The following ZNF710 variants were observed in gnomAD, a reference collection of about 807,000 sequenced individuals.
ZNF710 encodes zinc finger protein 710.
ZNF710 carries 13 observed loss-of-function variants against 50.6 expected under a neutral mutation model. The ratio of observed to expected loss-of-function variants is 0.26; its 90% CI spans 0.17 to 0.41. ZNF710 has a LOEUF of 0.41. Ranked by LOEUF, ZNF710 falls within the 10% of genes least tolerant of loss-of-function variation. The probability of loss-of-function intolerance (pLI) is 1.00; values close to 1 mark genes in which losing one functional copy is unlikely to be tolerated. For synonymous variants in ZNF710, 383 were observed against 397.0 expected, an observed-to-expected ratio of 0.96 and a Z score of 0.42; for missense variants, 721 against 936.6, an observed-to-expected ratio of 0.77 and a Z score of 3.01.
chr15:90,030,263 A>T (rs983621489), intron 1 of ZNF710, among the ~76,000 whole-genome samples: 1 of 129,368 alleles, frequency 7.7e-6, no homozygotes, highest in African/African-American at 2.9e-5. Flanking sequence ...TGGGAGGCAG[A>T]GGTTGCAGTG....
intron 1 of ZNF710, among the ~76,000 whole-genome samples, chr15:90,018,505 G>T (rs1046144560): frequency 1.3e-5 from 2 of 152,120 alleles, no homozygotes; most frequent in Non-Finnish European, 2.9e-5. Flanking sequence ...TTCATTTCTT[G>T]TCGCCACCTA....
intron 1 of ZNF710, among the ~76,000 whole-genome samples, chr15:90,066,675 A>G (rs1053832103): frequency 6.6e-6 from 1 of 152,050 alleles, no homozygotes; most frequent in Non-Finnish European, 1.5e-5. Flanking sequence ...GGATTTCACC[A>G]TGTTGGCCAG....
chr15:90,032,345 A>G (rs1194915586), intron 1 of ZNF710, among the ~76,000 whole-genome samples: 7 of 152,192 alleles, frequency 4.6e-5, no homozygotes, highest in African/African-American at 1.2e-4. Flanking sequence ...CCTCAGCTCC[A>G]TGGAACTCAG....
At chr15:90,056,503 C>G (rs1350777014) in intron 1 of ZNF710, among the ~76,000 whole-genome samples, 1 of 152,160 alleles carries the variant, frequency 6.6e-6, no homozygotes, top group Non-Finnish European at 1.5e-5. Context: ...TGGCATTGGA[C>G]AGGAGGGTCC....
chr15:90,051,770 A>G (rs1391229525), intron 1 of ZNF710, among the ~76,000 whole-genome samples: 1 of 152,116 alleles, frequency 6.6e-6, no homozygotes, highest in Non-Finnish European at 1.5e-5. Context: ...CTCTGTAAAT[A>G]CGTTTTGTTG....
In ZNF710 at chr15:90,008,422, G is replaced by GTATATATATATATACA. The variant is rs1567218312; in HGVS notation, c.-29+6809_-29+6810insATATATATATATACAT. Reference sequence around the variant, plus strand: ...GTATATAGTATACGTGTGTGTGTGTGTGTGTATATATATATATACATATAT... The same window carrying GTATATATATATATACA: ...GTATATAGTATACGTGTGTGTGTGTGTATATATATATATACATGTGTATATATATATATACATATAT... On this transcript the variant is annotated intron_variant, in intron 1 of 4. Transcript: ENST00000268154. Among the ~76,000 whole-genome samples the GTATATATATATATACA allele has an allele frequency of 5.9e-3, 748 of 126,770 alleles. 18 individuals carry two copies. The highest frequency in any genetic ancestry group is 0.026 in the African/African-American group (712 of 27,052). The allele number at this position is 126,770 out of a possible 152,430, so 83.2% of individuals were successfully genotyped here.
intron 2 of ZNF710, among the ~76,000 whole-genome samples, chr15:90,072,710 C>T (rs1206265423): frequency 6.6e-6 from 1 of 152,156 alleles, no homozygotes; most frequent in Admixed American, 6.6e-5. Context: ...GGAGCAGGTG[C>T]CCGGTAAATG....
At chr15:90,038,707 C>CTG (rs144152063) in intron 1 of ZNF710, among the ~76,000 whole-genome samples, 4,398 of 143,652 alleles carry the variant, frequency 0.031, 96 homozygotes, top group South Asian at 0.069. Context: ...CCTCCCTGCT[C>CTG]TGTGTGTGTG....
rs1491377494 is a variant in ZNF710 at position 90,034,428 on chromosome 15, C to CTCTG, written c.-28-32681_-28-32680insCTGT. 1.5e-5 allele frequency among the ~76,000 whole-genome samples: 2 copies of CTCTG among 136,198 alleles called. No individual in the cohort carries two copies. Among genetic ancestry groups the CTCTG allele is most frequent in the South Asian group, 2.6e-4 (1 of 3,844 alleles). 89.4% of individuals were successfully genotyped at this position (136,198 alleles called of 152,430 possible). A position where few individuals can be genotyped will look rare whatever the true frequency, so the allele number is the denominator to read the frequency against. ...AGCTGTCCTTCCTGTTTCCAAATTC[C>CTCTG]TGTGTGTGTGTGTGTGTGTGTGTGT... On this transcript the variant is annotated intron_variant, in intron 1 of 4. Transcript: ENST00000268154. This position sits in a 1 kb window ranked among gnomAD's most constrained non-coding sequence, Gnocchi z 4.0.
intron 2 of ZNF710, among the ~76,000 whole-genome samples, chr15:90,072,391 G>A (rs1384742921): frequency 6.6e-6 from 1 of 152,166 alleles, no homozygotes; most frequent in East Asian, 1.9e-4. Context: ...GCTGTATGTT[G>A]GATGAGAACT....
Position 90,068,477 on chromosome 15 carries a change from G to A in ZNF710, c.1340G>A (p.Arg447His), listed in dbSNP as rs561820871. Residue 447 changes from arginine to histidine, a missense_variant, in exon 2 of 5, where the codon CGC becomes CAC. Physicochemically the swap from Arg to His is conservative, Grantham distance 29. This residue lies in a region of ZNF710 where 326 missense variants were observed against 522.0 expected (regional missense o/e 0.62). Transcript: ENST00000268154. The surrounding 1 kb of genome is among the most constrained non-coding windows in gnomAD (Gnocchi z 5.0). ...CLECDKSFHYRSQLQNHMLKH... is the reference protein window; with the variant it reads ...CLECDKSFHYHSQLQNHMLKH... Reference sequence around the variant, plus strand: ...GAGTGTGACAAGTCCTTCCACTACCGCAGCCAGTTGCAGAACCACATGCTC... The same window carrying A: ...GAGTGTGACAAGTCCTTCCACTACCACAGCCAGTTGCAGAACCACATGCTC... 13 of 1,613,968 alleles carry A rather than the reference G, an allele frequency of 8.1e-6. No individual in the cohort carries two copies. Among genetic ancestry groups the A allele is most frequent in the African/African-American group, 1.3e-5 (1 of 75,042 alleles).
chr15:90,016,506 A>G (rs573070106), intron 1 of ZNF710, among the ~76,000 whole-genome samples: 210 of 152,242 alleles, frequency 1.4e-3, no homozygotes, highest in African/African-American at 5.0e-3. Context: ...CAGTGGTACG[A>G]TCATAGCTCA....
chr15:90,043,691 C>T (rs560402027), intron 1 of ZNF710, among the ~76,000 whole-genome samples: 1 of 152,246 alleles, frequency 6.6e-6, no homozygotes, highest in Non-Finnish European at 1.5e-5. Context: ...GTCACTGCTT[C>T]AGGCTGCTCC....
rs1389732609 is a variant in ZNF710 at position 90,068,169 on chromosome 15, G to A, written c.1032G>A (p.Thr344=). 4.3e-6 allele frequency: 7 copies of A among 1,614,096 alleles called. No homozygotes were observed. The South Asian group carries it at 4.4e-5, about 10-fold the overall frequency. The change falls in exon 2 of 5, where the codon ACG becomes ACA. Residue 344 remains threonine (T), a synonymous_variant. Coordinates refer to ENST00000268154, the MANE Select transcript of ZNF710 (RefSeq NM_198526.4). The surrounding 1 kb of genome is among the most constrained non-coding windows in gnomAD (Gnocchi z 5.0). ...GCCACCTGCAGACGCACCTGCTGACGCACCAGGGCACCCGGCCCCACAAGT... is the reference window on the plus strand; with the variant it reads ...GCCACCTGCAGACGCACCTGCTGACACACCAGGGCACCCGGCCCCACAAGT... ...QPSHLQTHLL[T]HQGTRPHKCQ...
chr15:90,011,717 G>C, intron 1 of ZNF710, among the ~76,000 whole-genome samples: 1 of 152,110 alleles, frequency 6.6e-6, no homozygotes, highest in South Asian at 2.1e-4. Flanking sequence ...TTCAGTGTCC[G>C]TTTGGCTGAA....
At chr15:90,027,585 C>G (rs1339761999) in intron 1 of ZNF710, among the ~76,000 whole-genome samples, 1 of 152,082 alleles carries the variant, frequency 6.6e-6, no homozygotes, top group African/African-American at 2.4e-5. Flanking sequence ...GAAGGCCTTG[C>G]TCATGCCTGT....
intron 4 of ZNF710, chr15:90,075,478 G>C (rs892317298): frequency 1.3e-5 from 2 of 152,202 alleles, no homozygotes; most frequent in Admixed American, 1.3e-4. Context: ...ACTGTGATCG[G>C]ACCACGGCAC....
chr15:90,048,765 G>A (rs776360997), intron 1 of ZNF710, among the ~76,000 whole-genome samples: 1 of 152,140 alleles, frequency 6.6e-6, no homozygotes, highest in Non-Finnish European at 1.5e-5. Context: ...CATCTGTGAC[G>A]AGACTTCTAG....
chr15:90,052,468 G>A (rs927322941), intron 1 of ZNF710, among the ~76,000 whole-genome samples: 1 of 152,162 alleles, frequency 6.6e-6, no homozygotes, highest in African/African-American at 2.4e-5. Context: ...AGGACTCGGA[G>A]TGATGTGACC....
Sources: gnomAD v4.1 joint callset for allele counts (sites outside exome capture counted in the v4.1 genomes callset) on GRCh38, gnomAD v4.1.1 for gene constraint, gnomAD v4.1.1 regional missense constraint, Gnocchi (gnomAD v3.1) non-coding constraint, MANE v1.5 for transcripts, NCBI Gene and HGNC (gene_info 2026-07-23, HGNC 2026-07-21) for gene names.